The following ELP3 variants were observed in gnomAD, a reference collection of about 807,000 sequenced individuals.
ELP3 encodes elongator acetyltransferase complex subunit 3.
Under a neutral mutation model 74.9 loss-of-function variants are expected in ELP3, and 56 were observed. The ratio of observed to expected loss-of-function variants is 0.75; its 90% CI spans 0.60 to 0.93. ELP3 has a LOEUF of 0.93. Ranked by LOEUF, ELP3 falls within the 40% of genes least tolerant of loss-of-function variation. ELP3 has a pLI of 0.00. For synonymous variants in ELP3, 222 were observed against 239.8 expected (o/e 0.93, Z 0.68); for missense variants, 573 against 686.5 (o/e 0.83, Z 1.85).
chr8:28,137,219 A>G (rs1027373084), intron 9 of ELP3, among the ~76,000 whole-genome samples: 1 of 152,262 alleles, frequency 6.6e-6, no homozygotes, highest in African/African-American at 2.4e-5. Flanking sequence ...AGGTGAAGGC[A>G]GACATTGAAT....
intron 14 of ELP3, among the ~76,000 whole-genome samples, chr8:28,176,930 G>A (rs1438124084): frequency 6.6e-6 from 1 of 151,964 alleles, no homozygotes; most frequent in East Asian, 1.9e-4. Flanking sequence ...CAGACTCCCT[G>A]AAAGAAAAAA....
intron 7 of ELP3, among the ~76,000 whole-genome samples, chr8:28,114,565 C>T (rs1474532579): frequency 6.6e-6 from 1 of 152,120 alleles, no homozygotes; most frequent in African/African-American, 2.4e-5. Context: ...AGCGAGAACT[C>T]ACTTATCACC....
At chr8:28,159,529 C>T (rs186666109) in intron 12 of ELP3, among the ~76,000 whole-genome samples, 1 of 152,156 alleles carries the variant, frequency 6.6e-6, no homozygotes, top group African/African-American at 2.4e-5. Flanking sequence ...GTATACTTTT[C>T]TCTGTGCGTG....
intron 7 of ELP3, among the ~76,000 whole-genome samples, chr8:28,126,366 AC>A (rs1347040349): frequency 6.6e-6 from 1 of 152,174 alleles, no homozygotes; most frequent in African/African-American, 2.4e-5. Context: ...TAAGGTTTTG[AC>A]TTAAGCTATG....
At chr8:28,135,207 C>T (rs984708828) in intron 9 of ELP3, among the ~76,000 whole-genome samples, 1 of 152,204 alleles carries the variant, frequency 6.6e-6, no homozygotes, top group Non-Finnish European at 1.5e-5. Flanking sequence ...GGATTACAGG[C>T]GTGAGCCACT....
At chr8:28,117,208 A>G (rs113532514) in intron 7 of ELP3, among the ~76,000 whole-genome samples, 2,182 of 152,292 alleles carry the variant, frequency 0.014, 30 homozygotes, top group Middle Eastern at 0.02. Flanking sequence ...CCCCTGAGGT[A>G]TATGAAGCAG....
In ELP3 at chr8:28,123,288, G is replaced by T. The variant is rs184164237; in HGVS notation, c.618-6214G>T. ...TGTATTTGATCCATGGAATGTATAG[G>T]AATGGGGTGTTTAATTTCCAAATTT... On this transcript the variant is annotated intron_variant, in intron 7 of 14. Transcript: ENST00000256398. Among the ~76,000 whole-genome samples the T allele has an allele frequency of 7.2e-5, 11 of 152,278 alleles. No individual in the cohort carries two copies. The South Asian group carries it at 2.1e-3, about 29-fold the overall frequency.
chr8:28,157,997 C>T (rs1352150690), intron 11 of ELP3, among the ~76,000 whole-genome samples: 1 of 144,364 alleles, frequency 6.9e-6, no homozygotes, highest in East Asian at 2.0e-4. Context: ...TTCCTTCCTT[C>T]TTTCCTTCCT....
At chr8:28,092,791 C>A, upstream of ELP3, 1 of 146,242 alleles carries the variant, frequency 6.8e-6, no homozygotes, top group Non-Finnish European at 1.5e-5. Context: ...CGCGTTCCCA[C>A]CCACCCTCCC....
Position 28,099,820 on chromosome 8 carries a change from A to G in ELP3, c.120-8A>G. 6.2e-7 allele frequency: 1 copy of G among 1,614,138 alleles called. No individual in the cohort carries two copies. Among genetic ancestry groups the G allele is most frequent in the Non-Finnish European group, 8.5e-7 (1 of 1,180,022 alleles). The stretch of plus-strand genomic sequence containing the variant: ...TAATCTTGATAATGTGAGATGCTTT[A>G]CTTTCAGGGTGAAAACCAAGACAGC... On this transcript the variant is annotated splice_region_variant and splice_polypyrimidine_tract_variant and intron_variant, in intron 2 of 14. Transcript: ENST00000256398.
chr8:28,188,946 G>C, intron 14 of ELP3, among the ~76,000 whole-genome samples: 1 of 152,114 alleles, frequency 6.6e-6, no homozygotes, highest in Non-Finnish European at 1.5e-5. Flanking sequence ...AGTAGGTAGG[G>C]TCCAAATTGA....
intron 1 of ELP3, among the ~76,000 whole-genome samples, chr8:28,095,168 T>C (rs1413259308): frequency 3.3e-5 from 5 of 152,226 alleles, no homozygotes; most frequent in Non-Finnish European, 7.3e-5. Flanking sequence ...TTGCCTTCTG[T>C]TTTGCATGTC....
At chr8:28,145,599 C>G (rs1813401476) in intron 10 of ELP3, among the ~76,000 whole-genome samples, 1 of 149,786 alleles carries the variant, frequency 6.7e-6, no homozygotes, top group Admixed American at 6.7e-5. Context: ...GCTGAACTTA[C>G]AAGGTTTATG....
At chr8:28,169,511 C>T (rs993080854) in intron 14 of ELP3, among the ~76,000 whole-genome samples, 5 of 152,116 alleles carry the variant, frequency 3.3e-5, no homozygotes, top group African/African-American at 1.2e-4. Flanking sequence ...TGGTTCTTGT[C>T]CACCTGTCTG....
intron 10 of ELP3, among the ~76,000 whole-genome samples, chr8:28,148,264 T>C (rs1813506175): frequency 1.3e-5 from 2 of 152,160 alleles, no homozygotes; most frequent in Non-Finnish European, 2.9e-5. Context: ...GACTAGTAGT[T>C]GTAGGTTTGA....
At chr8:28,183,612 A>G (rs1815109748) in intron 14 of ELP3, among the ~76,000 whole-genome samples, 1 of 152,128 alleles carries the variant, frequency 6.6e-6, no homozygotes, top group Non-Finnish European at 1.5e-5. Context: ...TTTAGTAGAG[A>G]CAGGGTTTTG....
rs970985207 is a variant in ELP3 at position 28,170,014 on chromosome 8, A to G, written c.1567+7936A>G. ...AAGATGGCAGCCATAGTATTTTTAT[A>G]ACCTAATCTCAGAAGAGTGTTAATG... On this transcript the variant is annotated intron_variant, in intron 14 of 14. Transcript: ENST00000256398. Among the ~76,000 whole-genome samples, 4 of 152,144 alleles carry G rather than the reference A, an allele frequency of 2.6e-5. No individual in the cohort carries two copies. The East Asian group carries it at 7.7e-4, about 29-fold the overall frequency.
rs150036724 is a variant in ELP3, at chr8:28,163,794, G to A, written c.1567+1716G>A. 2.5e-3 allele frequency among the ~76,000 whole-genome samples: 376 copies of A among 152,232 alleles called. 1 individual carries two copies. Among genetic ancestry groups the A allele is most frequent in the African/African-American group, 8.6e-3 (356 of 41,542 alleles). ...CCCCTTTTGTCAGAGCACTGTTAGC[G>A]TTCTAGTAAAGTGCTTGTGAAACTT... On this transcript the variant is annotated intron_variant, in intron 14 of 14. Transcript: ENST00000256398.
chr8:28,094,147 TTTG>T (rs1378472381), intron 1 of ELP3, among the ~76,000 whole-genome samples: 4 of 152,238 alleles, frequency 2.6e-5, no homozygotes, highest in Non-Finnish European at 5.9e-5. Flanking sequence ...CCTAAATTAA[TTTG>T]TTATCTCACT....
Sources: gnomAD v4.1 joint callset for allele counts (sites outside exome capture counted in the v4.1 genomes callset) on GRCh38, gnomAD v4.1.1 for gene constraint, MANE v1.5 for transcripts, NCBI Gene and HGNC (gene_info 2026-07-23, HGNC 2026-07-21) for gene names.